MAP4K5: variants seen among roughly 807,000 people sequenced by gnomAD.
MAP4K5 encodes the protein mitogen-activated protein kinase kinase kinase kinase 5, also known as MAPK/ERK kinase kinase kinase 5.
MAP4K5 carries 82 observed loss-of-function variants against 135.6 expected under a neutral mutation model. That is an observed-to-expected ratio of 0.60 (90% CI 0.51 to 0.73). The LOEUF is 0.73. Ranked by LOEUF, MAP4K5 falls within the 30% of genes least tolerant of loss-of-function variation. The pLI is 0.00. For missense variants in MAP4K5, 907 were observed against 1,010.9 expected (o/e 0.90, Z 1.39); for synonymous variants, 347 against 335.0 (o/e 1.04, Z -0.39).
intron 13 of MAP4K5, among the ~76,000 whole-genome samples, chr14:50,460,432 A>T (rs1452621039): frequency 6.6e-6 from 1 of 152,214 alleles, no homozygotes; most frequent in Non-Finnish European, 1.5e-5. Flanking sequence ...GAAGCCCAGC[A>T]AAACGAGATA....
intron 21 of MAP4K5, among the ~76,000 whole-genome samples, chr14:50,440,921 A>C (rs1274921666): frequency 6.6e-6 from 1 of 152,188 alleles, no homozygotes; most frequent in Non-Finnish European, 1.5e-5. Context: ...ATAAAAGTAG[A>C]TGCTGAGCCT....
chr14:50,526,220 A>C (rs751278671), intron 2 of MAP4K5, among the ~76,000 whole-genome samples: 1 of 152,090 alleles, frequency 6.6e-6, no homozygotes, highest in Non-Finnish European at 1.5e-5. Context: ...ATCCCCAATA[A>C]AGGCAGAGTT....
chr14:50,555,581 G>A (rs2038756329), intron 1 of MAP4K5, among the ~76,000 whole-genome samples: 1 of 152,216 alleles, frequency 6.6e-6, no homozygotes, highest in South Asian at 2.1e-4. Flanking sequence ...ACCGTGGCCA[G>A]CCAGTTCCTT....
intron 14 of MAP4K5, among the ~76,000 whole-genome samples, chr14:50,453,465 C>T (rs1307237461): frequency 6.6e-6 from 1 of 152,052 alleles, no homozygotes; most frequent in Admixed American, 6.6e-5. Flanking sequence ...ATAATGACCC[C>T]CTCTGAGTTA....
At chr14:50,520,982 C>A (rs886893986) in intron 2 of MAP4K5, among the ~76,000 whole-genome samples, 2 of 152,132 alleles carry the variant, frequency 1.3e-5, no homozygotes, top group Admixed American at 1.3e-4. Flanking sequence ...ACCACCACAC[C>A]CAGCTAATTT....
rs926203034 is a variant in MAP4K5, at chr14:50,462,524, T to C, written c.936+141A>G. 2.3e-4 allele frequency: 146 copies of C among 626,276 alleles called. No individual in the cohort carries two copies. In the East Asian group the frequency reaches 4.1e-3, roughly 18 times the overall value. 38.8% of individuals were successfully genotyped at this position (626,276 alleles called of 1,614,324 possible). On this transcript the variant is annotated intron_variant, in intron 13 of 32. Transcript: ENST00000682126. Reference sequence around the variant, plus strand: ...CTGATAATTATGTGCAGGAAAAGTGTAGTTTACATTATTAATCTCTGTAGC... The same window carrying C: ...CTGATAATTATGTGCAGGAAAAGTGCAGTTTACATTATTAATCTCTGTAGC...
chr14:50,560,072 T>G, intron 1 of MAP4K5: 2 of 642,968 alleles, frequency 3.1e-6, no homozygotes, highest in Non-Finnish European at 5.5e-6. Context: ...CTTGTGATGC[T>G]GAGCTTGGTT....
chr14:50,538,566 T>C (rs1408948797), intron 2 of MAP4K5, among the ~76,000 whole-genome samples: 1 of 152,216 alleles, frequency 6.6e-6, no homozygotes, highest in Non-Finnish European at 1.5e-5. Flanking sequence ...CCTCACGCAA[T>C]AACAGGTATG....
intron 3 of MAP4K5, among the ~76,000 whole-genome samples, chr14:50,492,696 T>A (rs892732201): frequency 6.6e-6 from 1 of 152,078 alleles, no homozygotes; most frequent in African/African-American, 2.4e-5. Context: ...GTAAGATATA[T>A]CTGGTTGAGA....
At chr14:50,433,359 T>C (rs923126116) in intron 28 of MAP4K5, among the ~76,000 whole-genome samples, 6 of 152,176 alleles carry the variant, frequency 3.9e-5, no homozygotes, top group Non-Finnish European at 8.8e-5. Context: ...AGCTGGCTTG[T>C]ACTGAGTTAA....
chr14:50,557,212 G>A (rs1342944728), intron 1 of MAP4K5, among the ~76,000 whole-genome samples: 2 of 152,148 alleles, frequency 1.3e-5, no homozygotes, highest in Non-Finnish European at 2.9e-5. Flanking sequence ...TGGAGAATGT[G>A]AAACATTACT....
At chr14:50,463,983 A>ATACTTTTGT (rs1238660672) in intron 12 of MAP4K5, 69 bp downstream of exon 12, 2 of 816,710 alleles carry the variant, frequency 2.4e-6, no homozygotes, top group Non-Finnish European at 3.9e-6. Flanking sequence ...AAAAACATAA[A>ATACTTTTGT]TACTTTTGTT....
At chr14:50,490,269 T>C (rs1303758640) in intron 3 of MAP4K5, among the ~76,000 whole-genome samples, 1 of 151,934 alleles carries the variant, frequency 6.6e-6, no homozygotes, top group East Asian at 1.9e-4. Flanking sequence ...TCTGAGACAG[T>C]AGACACTGGA....
At chr14:50,560,815 C>A (rs1014408225) in intron 1 of MAP4K5, among the ~76,000 whole-genome samples, 1 of 152,154 alleles carries the variant, frequency 6.6e-6, no homozygotes, top group South Asian at 2.1e-4. Context: ...AACAATGAGG[C>A]GGAGCGCGCC....
intron 1 of MAP4K5, chr14:50,559,794 T>G (rs1189940698): frequency 6.3e-6 from 1 of 159,778 alleles, no homozygotes; most frequent in Non-Finnish European, 1.4e-5. Flanking sequence ...TTAGCTACTT[T>G]GGCTATATAA....
In MAP4K5 at chr14:50,531,487, C is replaced by G. The variant is rs541292434; in HGVS notation, c.108+455G>C. ...TATTAGTTTGCTTACAGTTAAAGCT[C>G]AGAGACAGGGTTTCATATGGCTTTT... On this transcript the variant is annotated intron_variant, in intron 2 of 32. Transcript: ENST00000682126. 1.4e-4 allele frequency among the ~76,000 whole-genome samples: 22 copies of G among 152,278 alleles called. No individual in the cohort carries two copies. The South Asian group carries it at 2.7e-3, about 19-fold the overall frequency.
intron 3 of MAP4K5, among the ~76,000 whole-genome samples, chr14:50,493,303 T>C (rs993914009): frequency 1.3e-5 from 2 of 152,294 alleles, no homozygotes; most frequent in Non-Finnish European, 2.9e-5. Flanking sequence ...ATGATCTCCA[T>C]TACGTTGCTC....
intron 1 of MAP4K5, chr14:50,560,904 TC>T (rs2038835384): frequency 6.5e-6 from 1 of 153,040 alleles, no homozygotes; most frequent in South Asian, 2.0e-4. Flanking sequence ...ACTGCAGTAC[TC>T]CTCTTAATTT....
intron 1 of MAP4K5, among the ~76,000 whole-genome samples, chr14:50,552,848 A>G (rs956740283): frequency 6.6e-6 from 1 of 152,224 alleles, no homozygotes; most frequent in Non-Finnish European, 1.5e-5. Flanking sequence ...CTCACCTTAT[A>G]GAAAAATCAA....
Sources: allele counts gnomAD v4.1 joint callset (sites outside exome capture counted in the v4.1 genomes callset), GRCh38; gene constraint gnomAD v4.1.1; transcripts MANE v1.5; gene names NCBI Gene and HGNC (gene_info 2026-07-23, HGNC 2026-07-21).